DZIP1L: variants seen among roughly 807,000 people sequenced by gnomAD.
DZIP1L encodes the protein DAZ interacting zinc finger protein 1 like.
A neutral mutation model predicts 88.7 loss-of-function variants in DZIP1L; 90 were observed. The observed-to-expected ratio is 1.02, with a 90% CI of 0.86 to 1.21. The LOEUF (loss-of-function observed/expected upper bound fraction) is 1.21, where lower values mean the gene tolerates loss of function less well. Among genes scored for constraint, DZIP1L ranks in the 50% most tolerant of loss-of-function variants. The pLI, the probability that DZIP1L is intolerant of heterozygous loss-of-function variation, is 0.00. For missense variants in DZIP1L, 932 were observed against 955.8 expected (o/e 0.98, Z 0.33); for synonymous variants, 363 against 372.1 (o/e 0.98, Z 0.28).
At chr3:138,087,532 G>A (rs1576468855) in intron 6 of DZIP1L, among the ~76,000 whole-genome samples, 1 of 152,176 alleles carries the variant, frequency 6.6e-6, no homozygotes. Flanking sequence ...AAAGGGCTGA[G>A]TTAATTTCCA....
rs766015580 is a variant in DZIP1L at position 138,062,907 on chromosome 3, T to C, written c.2213A>G (p.Glu738Gly). The C allele has an allele frequency of 3.7e-6, 6 of 1,614,080 alleles. No individual in the cohort carries two copies. Residue 738 changes from glutamate (E) to glycine (G), a missense_variant, in exon 16 of 16, where the codon GAG (glutamate) becomes GGG (glycine). Glu to Gly is a moderately conservative substitution (Grantham distance 98, BLOSUM62 -2). Transcript: ENST00000327532. Reference protein sequence around the residue: ...EDLPLDLDQREKPKPLSRSKL... With the variant: ...EDLPLDLDQRGKPKPLSRSKL... ...TGAGCGAGACAAGGGCTTGGGTTTCTCTCTCTGGTCCAGGTCCAGAGGAAG... is the reference window on the plus strand; with the variant it reads ...TGAGCGAGACAAGGGCTTGGGTTTCCCTCTCTGGTCCAGGTCCAGAGGAAG...
intron 11 of DZIP1L, among the ~76,000 whole-genome samples, chr3:138,073,562 C>A (rs1405169495): frequency 6.6e-6 from 1 of 152,216 alleles, no homozygotes; most frequent in Non-Finnish European, 1.5e-5. Context: ...AGCATCTGAA[C>A]AGCAGCTCTT....
chr3:138,103,296 G>A (rs2042379930), intron 2 of DZIP1L, among the ~76,000 whole-genome samples, 175 bp downstream of exon 2: 1 of 151,956 alleles, frequency 6.6e-6, no homozygotes, highest in Non-Finnish European at 1.5e-5. Flanking sequence ...AGAACCTAAT[G>A]AGACACCCCC....
intron 14 of DZIP1L, among the ~76,000 whole-genome samples, chr3:138,065,719 C>T (rs568943956): frequency 1.3e-5 from 2 of 152,280 alleles, no homozygotes; most frequent in Middle Eastern, 3.4e-3. Flanking sequence ...ATTTGCAGAC[C>T]GCAAGCCTAG....
rs747042769 is a variant in DZIP1L at position 138,080,623 on chromosome 3, G to A, written c.1235-3C>T. ...AGCCTTTGGCACCTTGTGGATCCCTGAAGAGAGGAGGAACAGTTAGTGGCA... is the reference window on the plus strand; with the variant it reads ...AGCCTTTGGCACCTTGTGGATCCCTAAAGAGAGGAGGAACAGTTAGTGGCA... On this transcript the variant is annotated splice_region_variant and splice_polypyrimidine_tract_variant and intron_variant, in intron 9 of 15. Transcript: ENST00000327532. The A allele has an allele frequency of 6.2e-7, 1 of 1,613,028 alleles. No individual in the cohort carries two copies. Among genetic ancestry groups the A allele is most frequent in the Non-Finnish European group, 8.5e-7 (1 of 1,179,520 alleles).
Position 138,068,213 on chromosome 3 carries a change from G to A in DZIP1L, c.1770C>T (p.Pro590=), listed in dbSNP as rs6776890. 0.02 allele frequency: 32,505 copies of A among 1,591,422 alleles called. 1,879 individuals are homozygous for A. The African/African-American group carries it at 0.21, about 10-fold the overall frequency. ...HGSSLTQVSA[P]APRPGLHGPS... is the part of the protein sequence containing the mutation. The stretch of plus-strand genomic sequence containing the variant: ...GTCCATGCAGTCCGGGGCGTGGAGC[G>A]GGGGCGGACACCTGGGTCAGGCTGG... The change falls in exon 13 of 16, where the codon CCC becomes CCT. Residue 590 remains proline (P), a synonymous_variant. Coordinates refer to ENST00000327532, the MANE Select transcript of DZIP1L (RefSeq NM_173543.3).
chr3:138,081,969 C>T, intron 8 of DZIP1L: 1 of 464,972 alleles, frequency 2.2e-6, no homozygotes, highest in Non-Finnish European at 3.8e-6. Context: ...TGGCAGCATG[C>T]TCCATTTTCC....
chr3:138,111,824 G>A lies in DZIP1L; in HGVS notation c.-82+3504C>T, dbSNP rs145771030. ...AGCCTGGCCAACATGGTGAAACCCCGTCTCTACTAAAAATACAAAAATTAG... is the reference window on the plus strand; with the variant it reads ...AGCCTGGCCAACATGGTGAAACCCCATCTCTACTAAAAATACAAAAATTAG... On this transcript the variant is annotated intron_variant, in intron 1 of 15. Coordinates refer to ENST00000327532, the MANE Select transcript of DZIP1L (RefSeq NM_173543.3). Among the ~76,000 whole-genome samples the A allele has an allele frequency of 8.9e-4, 135 of 152,038 alleles. 1 individual carries two copies. In the East Asian group the frequency reaches 0.024, roughly 27 times the overall value.
At chr3:138,100,507 C>T (rs1398343350) in intron 2 of DZIP1L, among the ~76,000 whole-genome samples, 1 of 152,170 alleles carries the variant, frequency 6.6e-6, no homozygotes, top group Non-Finnish European at 1.5e-5. Flanking sequence ...TATGGGAACC[C>T]TCAATTTGTA....
At position 138,115,406 on chromosome 3, in the gene DZIP1L, C is replaced by G. The variant is rs1365583120; in HGVS notation, c.-160G>C. On this transcript the variant is annotated 5_prime_UTR_variant, in exon 1 of 16. Coordinates refer to ENST00000327532, the MANE Select transcript of DZIP1L (RefSeq NM_173543.3). ...CCCATACTCGCCCCACGTCCCGCCT[C>G]CAGACTTGCTCCACCGCCCCAGACA... 2 of 152,278 alleles carry G rather than the reference C, an allele frequency of 1.3e-5. No homozygotes were observed. Among genetic ancestry groups the G allele is most frequent in the African/African-American group, 2.4e-5 (1 of 41,442 alleles). 9.4% of individuals were successfully genotyped at this position (152,278 alleles called of 1,614,324 possible).
intron 7 of DZIP1L, among the ~76,000 whole-genome samples, chr3:138,085,259 A>T (rs549146896): frequency 6.6e-6 from 1 of 152,336 alleles, no homozygotes; most frequent in East Asian, 1.9e-4. Flanking sequence ...GACAAATGGG[A>T]TCTAATTAAA....
At chr3:138,101,915 G>C in intron 2 of DZIP1L, 5 of 1,452,342 alleles carry the variant, frequency 3.4e-6, no homozygotes, top group Non-Finnish European at 4.8e-6. Context: ...TCCCCACGTT[G>C]CTCGGCATCT....
At chr3:138,077,719 C>T (rs1943478707) in intron 10 of DZIP1L, 87 bp from the exon 11 acceptor site, 6 of 1,558,244 alleles carry the variant, frequency 3.9e-6, no homozygotes, top group Non-Finnish European at 5.2e-6. Context: ...AGCCCTCACA[C>T]TGCCAGGAAT....
intron 9 of DZIP1L, 57 bp from the exon 10 acceptor site, chr3:138,080,677 G>C: frequency 6.3e-7 from 1 of 1,587,556 alleles, no homozygotes; most frequent in Non-Finnish European, 8.6e-7. Flanking sequence ...TCCCTGACTA[G>C]AAGAAAAGTA....
At chr3:138,076,545 T>G (rs1299150204) in intron 11 of DZIP1L, among the ~76,000 whole-genome samples, 1 of 152,172 alleles carries the variant, frequency 6.6e-6, no homozygotes, top group Non-Finnish European at 1.5e-5. Flanking sequence ...ATAAAGAAAC[T>G]GATATATATA....
At chr3:138,064,565 C>T (rs1193565857) in intron 15 of DZIP1L, 63 bp downstream of exon 15, 40 of 1,613,634 alleles carry the variant, frequency 2.5e-5, no homozygotes, top group Non-Finnish European at 3.4e-5. Context: ...CCCCAGGCCC[C>T]CCAAACTCAG....
At position 138,084,213 on chromosome 3, in the gene DZIP1L, T is replaced by TG. The variant is rs1943813124; in HGVS notation, c.1102dup (p.Gln368ProfsTer26). The stretch of plus-strand genomic sequence containing the variant: ...CTGGGCAGCTGCCTTCTTCTGATCC[T>TG]GAGACAGGGAGGCCTGGAGCCTCTG... On this transcript the variant is annotated frameshift_variant, in exon 8 of 16. Transcript: ENST00000327532. LOFTEE classifies it high-confidence loss of function. 1.9e-6 allele frequency: 3 copies of TG among 1,614,190 alleles called. No homozygotes were observed. Among genetic ancestry groups the TG allele is most frequent in the Non-Finnish European group, 2.5e-6 (3 of 1,180,014 alleles).
At chr3:138,088,662 A>C in intron 5 of DZIP1L, 155 bp from the exon 6 acceptor site, 4 of 1,289,926 alleles carry the variant, frequency 3.1e-6, no homozygotes, top group East Asian at 2.9e-5. Flanking sequence ...ATTCACACAA[A>C]TCAGCATTCC....
Position 138,074,951 on chromosome 3 carries a change from C to T in DZIP1L, c.1422+2548G>A, listed in dbSNP as rs545726913. Among the ~76,000 whole-genome samples the T allele has an allele frequency of 4.6e-5, 7 of 151,470 alleles. No individual in the cohort carries two copies. In the South Asian group the frequency reaches 1.5e-3, roughly 31 times the overall value. On this transcript the variant is annotated intron_variant, in intron 11 of 15. Coordinates refer to ENST00000327532, the MANE Select transcript of DZIP1L (RefSeq NM_173543.3). ...CTCACACAAACTTAAGGTAAAGGGG[C>T]GGAAAAAAAACATTCCATGCAAATG...
Sources: allele counts gnomAD v4.1 joint callset (sites outside exome capture counted in the v4.1 genomes callset), GRCh38; gene constraint gnomAD v4.1.1; transcripts MANE v1.5; gene names NCBI Gene and HGNC (gene_info 2026-07-23, HGNC 2026-07-21).